DOK5: variants seen among roughly 807,000 people sequenced by gnomAD.
The protein encoded by DOK5 is downstream of tyrosine kinase 5.
DOK5 carries 27 observed loss-of-function variants against 43.3 expected under a neutral mutation model. That is an observed-to-expected ratio of 0.62 (90% CI 0.46 to 0.86). The LOEUF is 0.86. DOK5 is among the 40% of genes least tolerant of loss of function. DOK5 has a pLI of 0.00. For synonymous variants in DOK5, 146 were observed against 140.1 expected, an observed-to-expected ratio of 1.04 and a Z score of -0.30; for missense variants, 373 against 392.9, an observed-to-expected ratio of 0.95 and a Z score of 0.43.
chr20:54,644,718 A>AAAAAAACAAAAAAAC (rs1979307865), intron 7 of DOK5, among the ~76,000 whole-genome samples: 2 of 142,500 alleles, frequency 1.4e-5, no homozygotes, highest in African/African-American at 5.9e-5. Flanking sequence ...AAAAAAAAAA[A>AAAAAAACAAAAAAAC]AAAAAACAAA....
intron 2 of DOK5, among the ~76,000 whole-genome samples, chr20:54,578,738 A>G (rs1349446736): frequency 2.6e-5 from 4 of 152,162 alleles, no homozygotes; most frequent in Middle Eastern, 3.2e-3. Context: ...TGCAACAGCT[A>G]TTTTGTCCTT....
At chr20:54,597,811 T>C (rs1986187737) in intron 5 of DOK5, among the ~76,000 whole-genome samples, 1 of 152,222 alleles carries the variant, frequency 6.6e-6, no homozygotes, top group South Asian at 2.1e-4. Context: ...TGGTTCTTAG[T>C]TAACTTCTGC....
chr20:54,606,196 C>G (rs1176215259), intron 5 of DOK5, among the ~76,000 whole-genome samples: 1 of 152,210 alleles, frequency 6.6e-6, no homozygotes, highest in Non-Finnish European at 1.5e-5. Context: ...CAAAACTATA[C>G]CTGCATCTAT....
chr20:54,488,800 ACCTTCCTT>A (rs550385591), intron 1 of DOK5, among the ~76,000 whole-genome samples: 1 of 95,016 alleles, frequency 1.1e-5, no homozygotes, highest in African/African-American at 5.6e-5. Context: ...CTCCCTTCCT[ACCTTCCTT>A]CCTTCCTTCC....
chr20:54,551,826 T>TA, intron 1 of DOK5, among the ~76,000 whole-genome samples: 1 of 152,226 alleles, frequency 6.6e-6, no homozygotes, highest in South Asian at 2.1e-4. Context: ...AATTTACAGG[T>TA]TTTTTGTTTT....
intron 1 of DOK5, among the ~76,000 whole-genome samples, chr20:54,480,508 A>G (rs1375590510): frequency 1.3e-5 from 2 of 152,318 alleles, no homozygotes; most frequent in African/African-American, 2.4e-5. Flanking sequence ...TGTTTAGCAT[A>G]TCATCAAGAA....
At chr20:54,571,308 T>C (rs1985274220) in intron 2 of DOK5, among the ~76,000 whole-genome samples, 1 of 152,194 alleles carries the variant, frequency 6.6e-6, no homozygotes, top group South Asian at 2.1e-4. Context: ...TCTCCTGCCC[T>C]CAGGTCCCAT....
At chr20:54,520,238 C>A (rs1044563274) in intron 1 of DOK5, among the ~76,000 whole-genome samples, 2 of 152,134 alleles carry the variant, frequency 1.3e-5, no homozygotes, top group African/African-American at 2.4e-5. Context: ...CTCTTGAGTT[C>A]TCTCTTTTTC....
intron 1 of DOK5, among the ~76,000 whole-genome samples, chr20:54,519,611 A>AT (rs1568764401): frequency 2.0e-5 from 3 of 152,248 alleles, no homozygotes; most frequent in African/African-American, 7.2e-5. Context: ...GCTTATATTC[A>AT]TTTTTTTCAA....
intron 5 of DOK5, among the ~76,000 whole-genome samples, chr20:54,610,131 T>TTA (rs1568808949): frequency 1.3e-5 from 2 of 152,148 alleles, no homozygotes; most frequent in African/African-American, 4.8e-5. Flanking sequence ...AGCTTTTTTT[T>TTA]AAAAAAAATT....
chr20:54,594,579 A>G (rs1986078041), intron 5 of DOK5, among the ~76,000 whole-genome samples: 1 of 152,194 alleles, frequency 6.6e-6, no homozygotes, highest in Non-Finnish European at 1.5e-5. Context: ...TATCATCTCC[A>G]TTCATATTTC....
intron 6 of DOK5, among the ~76,000 whole-genome samples, chr20:54,623,161 T>A (rs1057114902): frequency 6.6e-6 from 1 of 152,154 alleles, no homozygotes; most frequent in African/African-American, 2.4e-5. Context: ...TTTGGCAGTA[T>A]CTGGAGTCAT....
In DOK5 at chr20:54,555,052, T is replaced by C; in HGVS notation, c.174+12T>C. The C allele has an allele frequency of 3.9e-6, 6 of 1,554,720 alleles. No homozygotes were observed. The highest frequency in any genetic ancestry group is 5.3e-6 in the Non-Finnish European group (6 of 1,125,974). ...GGTGTTATCATAAGGTAAGACTCAA[T>C]TGCTGTAGCTTTCCAGTAATCTATT... On this transcript the variant is annotated intron_variant, in intron 2 of 7. Coordinates refer to ENST00000262593, the MANE Select transcript of DOK5 (RefSeq NM_018431.5).
chr20:54,578,526 A>AT (rs1244760219), intron 2 of DOK5, among the ~76,000 whole-genome samples: 2 of 152,186 alleles, frequency 1.3e-5, no homozygotes, highest in African/African-American at 4.8e-5. Context: ...AGTTATTTTG[A>AT]TTTTCTAACT....
At chr20:54,567,855 A>G (rs1277823585) in intron 2 of DOK5, among the ~76,000 whole-genome samples, 2 of 152,154 alleles carry the variant, frequency 1.3e-5, no homozygotes, top group Admixed American at 1.3e-4. Context: ...AATTTATTTC[A>G]TCAGCATTTT....
chr20:54,642,137 CT>C (rs1168996384), intron 6 of DOK5, among the ~76,000 whole-genome samples: 2 of 152,118 alleles, frequency 1.3e-5, no homozygotes, highest in African/African-American at 4.8e-5. Context: ...TTCACCTTTC[CT>C]TTTATTCTAC....
At chr20:54,636,876 G>C (rs1216509699) in intron 6 of DOK5, among the ~76,000 whole-genome samples, 1 of 152,124 alleles carries the variant, frequency 6.6e-6, no homozygotes, top group African/African-American at 2.4e-5. Context: ...TCCCAAAACA[G>C]TCACGAGACA....
At chr20:54,573,686 CAAA>C (rs1321685949) in intron 2 of DOK5, among the ~76,000 whole-genome samples, 3 of 50,954 alleles carry the variant, frequency 5.9e-5, no homozygotes, top group Non-Finnish European at 8.3e-5. Context: ...GACTCCATCT[CAAA>C]AAAAAAAAAA....
At chr20:54,534,850 T>TCTTTCTTTCTTTC in intron 1 of DOK5, among the ~76,000 whole-genome samples, 4 of 151,228 alleles carry the variant, frequency 2.6e-5, no homozygotes, top group African/African-American at 7.4e-5. Flanking sequence ...TTTCTTTCTT[T>TCTTTCTTTCTTTC]TTTTGAGATG....
Sources: gnomAD v4.1 joint callset for allele counts (sites outside exome capture counted in the v4.1 genomes callset) on GRCh38, gnomAD v4.1.1 for gene constraint, MANE v1.5 for transcripts, NCBI Gene and HGNC (gene_info 2026-07-23, HGNC 2026-07-21) for gene names.